IL17RB: variants seen among roughly 807,000 people sequenced by gnomAD.
IL17RB encodes interleukin-17 receptor B.
In IL17RB, 36 loss-of-function variants were observed where a neutral mutation model predicts 43.9. The observed-to-expected ratio is 0.82, with a 90% CI of 0.63 to 1.08. IL17RB has a LOEUF of 1.08. IL17RB is among the 50% of genes least tolerant of loss of function. The pLI is 0.00. For synonymous variants in IL17RB, 225 were observed against 225.4 expected (o/e 1.00, Z 0.02); for missense variants, 613 against 613.6 (o/e 1.00, Z 0.01).
intron 5 of IL17RB, 128 bp from the exon 6 acceptor site, chr3:53,855,166 T>A: frequency 2.7e-5 from 10 of 366,966 alleles, no homozygotes; most frequent in Non-Finnish European, 4.8e-5. Flanking sequence ...GAATTTGCCA[T>A]CTTACATCTG....
At chr3:53,859,027 C>G in intron 9 of IL17RB, 1 of 477,002 alleles carries the variant, frequency 2.1e-6, no homozygotes. Flanking sequence ...TAAAACCACT[C>G]GTGACTCTTT....
chr3:53,850,537 C>T (rs1576827064), intron 3 of IL17RB, among the ~76,000 whole-genome samples: 1 of 149,344 alleles, frequency 6.7e-6, no homozygotes, highest in Non-Finnish European at 1.5e-5. Context: ...GGCGTGGTGG[C>T]GCATGCCTGT....
chr3:53,849,769 A>T lies in IL17RB; in HGVS notation c.200A>T (p.Asn67Ile), dbSNP rs1699066584. Residue 67 changes from asparagine to isoleucine, a missense_variant, in exon 3 of 11, where the codon AAT (asparagine) becomes ATT (isoleucine). By Grantham distance (149) the Asn-to-Ile change is moderately radical. Transcript: ENST00000288167. ...ACAGGGGACTATTCAATTTTGATGA[A>T]TGTAAGCTGGGTACTCCGGGCAGAT... ...VATGDYSILMNVSWVLRADAS... is the reference protein window; with the variant it reads ...VATGDYSILMIVSWVLRADAS... 6.2e-7 allele frequency: 1 copy of T among 1,609,536 alleles called. No homozygotes were observed. Among genetic ancestry groups the T allele is most frequent in the African/African-American group, 1.3e-5 (1 of 74,778 alleles).
rs1295076279 is a variant in IL17RB, at chr3:53,857,613, A to AGG, written c.673-3_673-2insGG. ...CATAATTCTTGACTCTCTCTCTCTT[A>AGG]AGCCACACCAGAAGAAACAAACGCG... On this transcript the variant is annotated splice_polypyrimidine_tract_variant and splice_region_variant and intron_variant, in intron 7 of 10. Coordinates refer to ENST00000288167, the MANE Select transcript of IL17RB (RefSeq NM_018725.4). 2 of 1,613,740 alleles carry AGG rather than the reference A, an allele frequency of 1.2e-6. No individual in the cohort carries two copies. The highest frequency in any genetic ancestry group is 2.2e-5 in the South Asian group (2 of 91,064).
In IL17RB at chr3:53,852,885, C is replaced by T. The variant is rs3733075; in HGVS notation, c.369C>T (p.Tyr123=). 0.35 allele frequency: 570,905 copies of T among 1,612,052 alleles called. 104,875 individuals are homozygous for T. The highest frequency in any genetic ancestry group is 0.66 in the East Asian group (29,504 of 44,858). ...TTGCCTTTCAGTGGACATTTTCCTA[C>T]ATCGGCTTCCCTGTAGAGCTGAACA... ...RPSGGKWTFS[Y]IGFPVELNTV... Residue 123 remains tyrosine, a synonymous_variant, in exon 5 of 11, where the codon TAC becomes TAT. Transcript: ENST00000288167.
Position 53,857,662 on chromosome 3 carries a change from CTG to C in IL17RB, c.720_721del (p.Asp242Ter). ...CGAGCTTCAGTGGTGATTCCAGTGA[CTG>C]GGGATAGTGAAGGTGCTACGGTGCA... On this transcript the variant is annotated frameshift_variant, in exon 8 of 11. Transcript: ENST00000288167. LOFTEE classifies it high-confidence loss of function. The C allele has an allele frequency of 6.2e-7, 1 of 1,614,164 alleles. No individual in the cohort carries two copies. Among genetic ancestry groups the C allele is most frequent in the Non-Finnish European group, 8.5e-7 (1 of 1,180,028 alleles).
chr3:53,850,452 G>A (rs939623681), intron 3 of IL17RB, among the ~76,000 whole-genome samples: 14 of 147,742 alleles, frequency 9.5e-5, no homozygotes, highest in East Asian at 4.1e-4. Flanking sequence ...AGCTGTGATC[G>A]CACCACTGCA....
At chr3:53,858,857 C>T (rs772408573) in intron 9 of IL17RB, 39 bp downstream of exon 9, 2 of 1,506,598 alleles carry the variant, frequency 1.3e-6, no homozygotes, top group Admixed American at 3.4e-5. Flanking sequence ...ATCAAAGTGG[C>T]TCACACACAG....
In IL17RB at chr3:53,848,799, C is replaced by T. The variant is rs1004960253; in HGVS notation, c.85+111C>T. ...ATCGAAGACCAGACACAGGGTGACC[C>T]ATTGCTTTATTGGCTGATGCAGATG... On this transcript the variant is annotated intron_variant, in intron 2 of 10. Transcript: ENST00000288167. The T allele has an allele frequency of 7.8e-6, 9 of 1,147,890 alleles. No homozygotes were observed. The Admixed American group carries it at 8.5e-5, about 11-fold the overall frequency. The allele number at this position is 1,147,890 out of a possible 1,614,324, so 71.1% of individuals were successfully genotyped here.
chr3:53,857,239 T>C (rs547963475), intron 7 of IL17RB, among the ~76,000 whole-genome samples: 2 of 152,354 alleles, frequency 1.3e-5, no homozygotes, highest in South Asian at 4.1e-4. Flanking sequence ...GAAGCAAAGC[T>C]GCTTTGCTGG....
intron 1 of IL17RB, 70 bp downstream of exon 1, chr3:53,846,718 C>T (rs1426374573): frequency 6.8e-7 from 1 of 1,470,126 alleles, no homozygotes; most frequent in South Asian, 1.2e-5. Flanking sequence ...TCGTCTGATC[C>T]GCCAGTCCAG....
intron 4 of IL17RB, 134 bp downstream of exon 4, chr3:53,852,260 G>A: frequency 1.2e-6 from 1 of 812,300 alleles, no homozygotes; most frequent in Non-Finnish European, 1.9e-6. Flanking sequence ...TTCTACTTCA[G>A]CCTCCCAAGC....
rs745605858 is a variant in IL17RB at position 53,865,345 on chromosome 3, T to C, written c.*37T>C. 1 of 1,510,342 alleles carries C rather than the reference T, an allele frequency of 6.6e-7. No individual in the cohort carries two copies. Among genetic ancestry groups the C allele is most frequent in the East Asian group, 2.3e-5 (1 of 44,090 alleles). The allele number at this position is 1,510,342 out of a possible 1,614,324, so 93.6% of individuals were successfully genotyped here. On this transcript the variant is annotated 3_prime_UTR_variant, in exon 11 of 11. Coordinates refer to ENST00000288167, the MANE Select transcript of IL17RB (RefSeq NM_018725.4). ...GAAGCAAGAGACCTTAAAGGCTTCC[T>C]ATCCCACCAATTACAGGGAAAAAAC...
chr3:53,858,653 G>A (rs990119932), intron 8 of IL17RB, 66 bp from the exon 9 acceptor site: 12 of 1,583,322 alleles, frequency 7.6e-6, no homozygotes, highest in Non-Finnish European at 9.5e-6. Flanking sequence ...GGCTGAAGTA[G>A]GAGTCTTGGT....
chr3:53,848,943 C>G (rs1457634413), intron 2 of IL17RB, among the ~76,000 whole-genome samples: 1 of 152,150 alleles, frequency 6.6e-6, no homozygotes, highest in Non-Finnish European at 1.5e-5. Context: ...GAAAGTGATG[C>G]CTGCCACTCT....
intron 1 of IL17RB, among the ~76,000 whole-genome samples, chr3:53,847,194 T>G (rs949738663): frequency 6.6e-6 from 1 of 152,154 alleles, no homozygotes; most frequent in Non-Finnish European, 1.5e-5. Flanking sequence ...CCAAATAACC[T>G]TTGAAATGAT....
intron 3 of IL17RB, among the ~76,000 whole-genome samples, chr3:53,851,460 T>C (rs748037360): frequency 6.6e-6 from 1 of 152,130 alleles, no homozygotes; most frequent in Non-Finnish European, 1.5e-5. Context: ...CAGAGTGAGC[T>C]CTTTGTCAGC....
chr3:53,856,805 T>G lies in IL17RB; in HGVS notation c.530-39T>G, dbSNP rs778989993. On this transcript the variant is annotated intron_variant, in intron 6 of 10. Transcript: ENST00000288167. ...GTGGGGAACTTAAATGAGGGAAGAGTTAGCAAGTTCATCTACATGGTTCTC... is the reference window on the plus strand; with the variant it reads ...GTGGGGAACTTAAATGAGGGAAGAGGTAGCAAGTTCATCTACATGGTTCTC... 16 of 1,611,718 alleles carry G rather than the reference T, an allele frequency of 9.9e-6. No homozygotes were observed. The East Asian group carries it at 1.3e-4, about 13-fold the overall frequency.
At chr3:53,856,733 T>G in intron 6 of IL17RB, 111 bp from the exon 7 acceptor site, 5 of 1,019,816 alleles carry the variant, frequency 4.9e-6, no homozygotes, top group Non-Finnish European at 7.5e-6. Context: ...CGTCCCTATC[T>G]CTTGGACATT....
Sources: allele counts gnomAD v4.1 joint callset (sites outside exome capture counted in the v4.1 genomes callset), GRCh38; gene constraint gnomAD v4.1.1; transcripts MANE v1.5; gene names NCBI Gene and HGNC (gene_info 2026-07-23, HGNC 2026-07-21).